The following OLFM2 variants were observed in gnomAD, a reference collection of about 807,000 sequenced individuals.
OLFM2 encodes the protein olfactomedin 2, also known as noelin-2.
A neutral mutation model predicts 43.9 loss-of-function variants in OLFM2; 20 were observed. The observed-to-expected ratio is 0.46, with a 90% CI of 0.32 to 0.66. OLFM2 has a LOEUF of 0.66. Among genes scored for constraint, OLFM2 ranks in the 30% least tolerant of loss-of-function variants. The probability of loss-of-function intolerance (pLI) is 0.04; values close to 1 mark genes in which losing one functional copy is unlikely to be tolerated. For missense variants in OLFM2, 416 were observed against 643.6 expected, an observed-to-expected ratio of 0.65 and a Z score of 3.83; for synonymous variants, 268 against 278.6, an observed-to-expected ratio of 0.96 and a Z score of 0.38.
intron 1 of OLFM2, among the ~76,000 whole-genome samples, chr19:9,890,306 A>G (rs1428810511): frequency 6.6e-6 from 1 of 151,084 alleles, no homozygotes; most frequent in Non-Finnish European, 1.5e-5. Context: ...TACCCCTGGG[A>G]CCCCCAGCTC....
Position 9,936,417 on chromosome 19 carries a change from C to T in OLFM2, c.-51G>A, listed in dbSNP as rs2086515401. 2 of 1,200,356 alleles carry T rather than the reference C, an allele frequency of 1.7e-6. No individual in the cohort carries two copies. Among genetic ancestry groups the T allele is most frequent in the Non-Finnish European group, 2.1e-6 (2 of 967,472 alleles). The allele number at this position is 1,200,356 out of a possible 1,614,324, so 74.4% of individuals were successfully genotyped here. A position where few individuals can be genotyped will look rare whatever the true frequency, so the allele number is the denominator to read the frequency against. ...ACCCCCGCCCGCCCTAGCGGCGCCT[C>T]GGCGCGGGGACCGCCACCAGGCGCG... On this transcript the variant is annotated 5_prime_UTR_variant, in exon 1 of 6. Transcript: ENST00000264833.
At chr19:9,905,199 TG>T (rs1364034742) in intron 1 of OLFM2, among the ~76,000 whole-genome samples, 4 of 152,150 alleles carry the variant, frequency 2.6e-5, no homozygotes, top group Non-Finnish European at 4.4e-5. Flanking sequence ...GGCTCACACC[TG>T]TAATCCCAGC....
rs115667415 is a variant in OLFM2 at position 9,880,146 on chromosome 19, G to A, written c.64-19352C>T. ...CCCAAAGTGCCAGGATTACAGATGCGAGCCACTGTGCCTGGCCCAGAGCCT... is the reference window on the plus strand; with the variant it reads ...CCCAAAGTGCCAGGATTACAGATGCAAGCCACTGTGCCTGGCCCAGAGCCT... On this transcript the variant is annotated intron_variant, in intron 1 of 5. Coordinates refer to ENST00000264833, the MANE Select transcript of OLFM2 (RefSeq NM_058164.4). Among the ~76,000 whole-genome samples, 657 of 152,216 alleles carry A rather than the reference G, an allele frequency of 4.3e-3. 5 individuals carry two copies. The highest frequency in any genetic ancestry group is 0.015 in the African/African-American group (618 of 41,546).
At chr19:9,928,576 G>A (rs1599505022) in intron 1 of OLFM2, among the ~76,000 whole-genome samples, 1 of 151,926 alleles carries the variant, frequency 6.6e-6, no homozygotes, top group Non-Finnish European at 1.5e-5. Flanking sequence ...AGGCCAAGGT[G>A]GGTGGATCAC....
intron 5 of OLFM2, among the ~76,000 whole-genome samples, chr19:9,855,471 C>A (rs1044410408): frequency 6.6e-6 from 1 of 152,152 alleles, no homozygotes; most frequent in Non-Finnish European, 1.5e-5. Flanking sequence ...AAACTCCCGA[C>A]CTTGTGATCC....
At chr19:9,921,153 G>A (rs1328417515) in intron 1 of OLFM2, among the ~76,000 whole-genome samples, 3 of 152,128 alleles carry the variant, frequency 2.0e-5, no homozygotes, top group Non-Finnish European at 4.4e-5. Flanking sequence ...TTTGCCTACC[G>A]TCACCCAGGC....
chr19:9,877,065 A>G lies in OLFM2; in HGVS notation c.64-16271T>C, dbSNP rs188262313. Among the ~76,000 whole-genome samples, 35 of 151,820 alleles carry G rather than the reference A, an allele frequency of 2.3e-4. No individual in the cohort carries two copies. The East Asian group carries it at 6.8e-3, about 29-fold the overall frequency. ...GCCAACATGGTGAAATCCTGCCTCT[A>G]GTAAAAATACAAAATTTAGCTGGGC... On this transcript the variant is annotated intron_variant, in intron 1 of 5. Transcript: ENST00000264833.
At chr19:9,905,560 G>A (rs2144983593) in intron 1 of OLFM2, among the ~76,000 whole-genome samples, 1 of 151,620 alleles carries the variant, frequency 6.6e-6, no homozygotes, top group South Asian at 2.1e-4. Context: ...AGAATCACTG[G>A]AACCCGGGAG....
At chr19:9,928,018 G>A (rs1450286819) in intron 1 of OLFM2, among the ~76,000 whole-genome samples, 1 of 151,646 alleles carries the variant, frequency 6.6e-6, no homozygotes, top group Non-Finnish European at 1.5e-5. Context: ...GCAACATAGT[G>A]AGACCCCCAT....
At chr19:9,899,243 C>T (rs1037862439) in intron 1 of OLFM2, among the ~76,000 whole-genome samples, 1 of 150,990 alleles carries the variant, frequency 6.6e-6, no homozygotes, top group Non-Finnish European at 1.5e-5. Flanking sequence ...CCAGCCTGGG[C>T]AACAGAATGA....
At chr19:9,908,628 G>A (rs1001529503) in intron 1 of OLFM2, among the ~76,000 whole-genome samples, 10 of 151,736 alleles carry the variant, frequency 6.6e-5, no homozygotes, top group African/African-American at 1.2e-4. Context: ...GCAGGCACCC[G>A]CCACCGTGCC....
rs74807970 is a variant in OLFM2, at chr19:9,895,863, T to C, written c.64-35069A>G. On this transcript the variant is annotated intron_variant, in intron 1 of 5. Coordinates refer to ENST00000264833, the MANE Select transcript of OLFM2 (RefSeq NM_058164.4). ...GTTGGCCAGGCTGGTCTCAAACTCC[T>C]GACCTCAAGTGATTCACCCGCCTTG... 1.1e-3 allele frequency among the ~76,000 whole-genome samples: 174 copies of C among 152,156 alleles called. 2 individuals are homozygous for C. In the East Asian group the frequency reaches 0.03, roughly 26 times the overall value.
intron 1 of OLFM2, among the ~76,000 whole-genome samples, chr19:9,915,306 G>C (rs571619690): frequency 1.3e-5 from 2 of 150,080 alleles, no homozygotes; most frequent in South Asian, 4.2e-4. Flanking sequence ...CGAACCCCTG[G>C]CCTCAATCGA....
In OLFM2 at chr19:9,854,475, C is replaced by T. The variant is rs1449972198; in HGVS notation, c.1076G>A (p.Arg359Gln). 2.5e-6 allele frequency: 4 copies of T among 1,614,032 alleles called. No homozygotes were observed. Among genetic ancestry groups the T allele is most frequent in the East Asian group, 2.2e-5 (1 of 44,870 alleles). Residue 359 changes from arginine (R) to glutamine (Q), a missense_variant, in exon 6 of 6, where the codon CGG becomes CAG. Coordinates refer to ENST00000264833, the MANE Select transcript of OLFM2 (RefSeq NM_058164.4). The surrounding 1 kb of genome is among the most constrained non-coding windows in gnomAD (Gnocchi z 9.5). Reference sequence around the variant, plus strand: ...CTTGGGGTAGCCGGTGTCCCAGGACCGCATGACCTCGAGGGTGTGCGGGTC... The same window carrying T: ...CTTGGGGTAGCCGGTGTCCCAGGACTGCATGACCTCGAGGGTGTGCGGGTC... ...RLDPHTLEVM[R>Q]SWDTGYPKRS...
intron 1 of OLFM2, chr19:9,913,546 C>T: frequency 8.1e-7 from 1 of 1,233,704 alleles, no homozygotes; most frequent in Non-Finnish European, 1.0e-6. Flanking sequence ...AGGGCAGCGT[C>T]TGCGACATCC....
intron 2 of OLFM2, chr19:9,858,229 A>ACCC (rs569055403): frequency 5.3e-4 from 128 of 241,484 alleles, no homozygotes; most frequent in African/African-American, 4.0e-3. Context: ...GGTCCTGCCC[A>ACCC]CCCCCCCCGC....
chr19:9,869,917 G>A (rs1231194406), intron 1 of OLFM2, among the ~76,000 whole-genome samples: 1 of 152,052 alleles, frequency 6.6e-6, no homozygotes, highest in Non-Finnish European at 1.5e-5. Context: ...ACTGCACCTG[G>A]TTAATTTTTT....
chr19:9,877,174 G>A (rs1403142718), intron 1 of OLFM2, among the ~76,000 whole-genome samples: 1 of 149,844 alleles, frequency 6.7e-6, no homozygotes, highest in Admixed American at 6.8e-5. Context: ...AGGTTGCGAT[G>A]AGCCGAGATG....
chr19:9,870,794 T>C (rs2046435851), intron 1 of OLFM2, among the ~76,000 whole-genome samples: 2 of 152,162 alleles, frequency 1.3e-5, no homozygotes, highest in Non-Finnish European at 2.9e-5. Context: ...GAGGTGGAGG[T>C]TGCTGTAAGC....
Sources: gnomAD v4.1 joint callset for allele counts (sites outside exome capture counted in the v4.1 genomes callset) on GRCh38, gnomAD v4.1.1 for gene constraint, Gnocchi (gnomAD v3.1) non-coding constraint, MANE v1.5 for transcripts, NCBI Gene and HGNC (gene_info 2026-07-23, HGNC 2026-07-21) for gene names.